The following MEP1B variants were observed in gnomAD, a reference collection of about 807,000 sequenced individuals.
MEP1B encodes N-benzoyl-L-tyrosyl-P-amino-benzoic acid hydrolase subunit beta.
MEP1B carries 80 observed loss-of-function variants against 84.6 expected under a neutral mutation model. The ratio of observed to expected loss-of-function variants is 0.95; its 90% confidence interval spans 0.79 to 1.14. The LOEUF (loss-of-function observed/expected upper bound fraction) is 1.14. Ranked by LOEUF, MEP1B falls within the 50% of genes most tolerant of loss-of-function variation. MEP1B has a pLI of 0.00. For synonymous variants in MEP1B, 273 were observed against 288.1 expected (o/e 0.95, Z 0.53); for missense variants, 766 against 855.1 (o/e 0.90, Z 1.30).
At chr18:32,208,363 A>G in intron 9 of MEP1B, 92 bp downstream of exon 9, 1 of 1,260,814 alleles carries the variant, frequency 7.9e-7, no homozygotes, top group Non-Finnish European at 1.1e-6. Flanking sequence ...TCTAATTTCT[A>G]TCAGAATTAT....
At chr18:32,194,446 C>T (rs1219610316) in intron 4 of MEP1B, among the ~76,000 whole-genome samples, 1 of 152,176 alleles carries the variant, frequency 6.6e-6, no homozygotes, top group African/African-American at 2.4e-5. Context: ...GATTTAGTCC[C>T]AGCTGTCTAA....
chr18:32,192,639 A>G lies in MEP1B; in HGVS notation c.83-7A>G. 1 of 1,612,628 alleles carries G rather than the reference A, an allele frequency of 6.2e-7. No individual in the cohort carries two copies. The highest frequency in any genetic ancestry group is 8.5e-7 in the Non-Finnish European group (1 of 1,178,936). ...TCAATTTTTTGTTGTTGTTGTTTTAATCAAAGATGTAGATGGCGGAATGGA... is the reference window on the plus strand; with the variant it reads ...TCAATTTTTTGTTGTTGTTGTTTTAGTCAAAGATGTAGATGGCGGAATGGA... On this transcript the variant is annotated splice_region_variant and splice_polypyrimidine_tract_variant and intron_variant, in intron 2 of 14. Coordinates refer to ENST00000269202, the MANE Select transcript of MEP1B (RefSeq NM_005925.3).
At chr18:32,207,713 A>C (rs1424345517) in intron 8 of MEP1B, among the ~76,000 whole-genome samples, 2 of 152,240 alleles carry the variant, frequency 1.3e-5, no homozygotes, top group Non-Finnish European at 2.9e-5. Flanking sequence ...TGCCTCAGGC[A>C]AGTTTTTAAA....
chr18:32,219,384 A>G (rs1422013796), intron 14 of MEP1B, among the ~76,000 whole-genome samples: 1 of 152,224 alleles, frequency 6.6e-6, no homozygotes, highest in Non-Finnish European at 1.5e-5. Context: ...TTAAAATATA[A>G]ACAGGTTGTT....
chr18:32,195,585 G>T lies in MEP1B; in HGVS notation c.250+100G>T, dbSNP rs1323775454. 6 of 731,858 alleles carry T rather than the reference G, an allele frequency of 8.2e-6. No homozygotes were observed. In the African/African-American group the frequency reaches 1.1e-4, roughly 13 times the overall value. 45.3% of individuals were successfully genotyped at this position (731,858 alleles called of 1,614,324 possible). On this transcript the variant is annotated intron_variant, in intron 5 of 14. Coordinates refer to ENST00000269202, the MANE Select transcript of MEP1B (RefSeq NM_005925.3). ...GGGCTTATATAGTCTTTAAGGTTTT[G>T]TTTGGTTTGCTCCTTTGTGTGGCTA...
In MEP1B at chr18:32,215,253, C is replaced by G. The variant is rs1240699865; in HGVS notation, c.1751C>G (p.Thr584Arg). 1 of 1,573,318 alleles carries G rather than the reference C, an allele frequency of 6.4e-7. No homozygotes were observed. Among genetic ancestry groups the G allele is most frequent in the East Asian group, 2.3e-5 (1 of 44,426 alleles). Reference protein sequence around the residue: ...IKGDDVYILLTVEDISHLNST... With the variant: ...IKGDDVYILLRVEDISHLNST... ...GGAGATGATGTTTATATCCTACTGA[C>G]AGTGGAAGGTATGTCAATAAAAATA... The change falls in exon 12 of 15, where the codon ACA becomes AGA. Residue 584 changes from threonine to arginine, a missense_variant. Physicochemically the swap from Thr to Arg is moderately conservative, Grantham distance 71. Coordinates refer to ENST00000269202, the MANE Select transcript of MEP1B (RefSeq NM_005925.3).
chr18:32,210,757 G>A, intron 10 of MEP1B, 41 bp downstream of exon 10: 12 of 1,539,398 alleles, frequency 7.8e-6, no homozygotes, highest in Non-Finnish European at 9.9e-6. Flanking sequence ...TTAAAATGAG[G>A]CAATCTTAGG....
chr18:32,199,668 G>GTTCCTTCCTTCC (rs201128780), intron 5 of MEP1B, among the ~76,000 whole-genome samples: 7,117 of 126,730 alleles, frequency 0.056, 265 homozygotes, highest in Middle Eastern at 0.065. Flanking sequence ...CCTTTCGTTC[G>GTTCCTTCCTTCC]TTCCTTCCTT....
rs746625792 is a variant in MEP1B at position 32,215,082 on chromosome 18, A to G, written c.1580A>G (p.Asp527Gly). 3.8e-6 allele frequency: 6 copies of G among 1,587,004 alleles called. No individual in the cohort carries two copies. In the East Asian group the frequency reaches 1.1e-4, roughly 30 times the overall value. ...CCATTAATATAAATTGCTTTTTCAG[A>G]TAATGGAAACTATTTCTGGGACAGG... ...SITTDPFMTTDNGNYFWDRPS... is the reference protein window; with the variant it reads ...SITTDPFMTTGNGNYFWDRPS... Residue 527 changes from aspartate to glycine, a missense_variant and splice_region_variant, in exon 12 of 15, where the codon GAT becomes GGT. Asp to Gly is a moderately conservative substitution (Grantham distance 94, BLOSUM62 -1). Transcript: ENST00000269202.
In MEP1B at chr18:32,195,472, A is replaced by G; in HGVS notation, c.237A>G (p.Leu79=). ...GGCCTCATACCATTCCATATGTTCT[A>G]GAAGATAGCTTGGGTTAGTATGCAC... ...YRWPHTIPYV[L]EDSLEMNAKG... The change falls in exon 5 of 15, where the codon CTA becomes CTG. Residue 79 remains leucine (L), a synonymous_variant. Coordinates refer to ENST00000269202, the MANE Select transcript of MEP1B (RefSeq NM_005925.3). 6.2e-7 allele frequency: 1 copy of G among 1,606,776 alleles called. No individual in the cohort carries two copies.
In MEP1B at chr18:32,208,253, A is replaced by C. The variant is rs1568269918; in HGVS notation, c.901A>C (p.Asn301His). 6.2e-7 allele frequency: 1 copy of C among 1,613,880 alleles called. No homozygotes were observed. The highest frequency in any genetic ancestry group is 1.7e-4 in the Middle Eastern group (1 of 6,060). Residue 301 changes from asparagine to histidine, a missense_variant, in exon 9 of 15, where the codon AAC (asparagine) becomes CAC (histidine). By Grantham distance (68) the Asn-to-His change is moderately conservative. Transcript: ENST00000269202. ...CAGGGGGCCAGAGAGTGATCACTCC[A>C]ACATGGGCCAGTGCCAAGGTAACAG... Reference protein sequence around the residue: ...VPRGPESDHSNMGQCQGSGFF... With the variant: ...VPRGPESDHSHMGQCQGSGFF...
chr18:32,218,611 G>A (rs773399247), intron 14 of MEP1B, among the ~76,000 whole-genome samples: 4 of 152,166 alleles, frequency 2.6e-5, no homozygotes, highest in Non-Finnish European at 4.4e-5. Flanking sequence ...CCTGGAACAC[G>A]TATAATAGGC....
chr18:32,217,112 G>T lies in MEP1B; in HGVS notation c.1881G>T (p.Glu627Asp). 2 of 1,613,500 alleles carry T rather than the reference G, an allele frequency of 1.2e-6. No homozygotes were observed. The highest frequency in any genetic ancestry group is 1.7e-6 in the Non-Finnish European group (2 of 1,179,708). The part of the protein sequence containing the change: ...GVCTVRDGKA[E>D]CRCQSGEDWW... ...GCACTGTTCGAGATGGCAAAGCTGA[G>T]TGCAGGTAAGGATGATTTGAAAGAG... The change falls in exon 13 of 15, where the codon GAG becomes GAT. Residue 627 changes from glutamate to aspartate, a missense_variant. Physicochemically the swap from Glu to Asp is conservative, Grantham distance 45. Transcript: ENST00000269202.
At chr18:32,195,307 TG>T in intron 4 of MEP1B, 99 bp from the exon 5 acceptor site, 1 of 716,998 alleles carries the variant, frequency 1.4e-6, no homozygotes. Flanking sequence ...TTGTGCGAAC[TG>T]GGAGAGCTTT....
Position 32,217,891 on chromosome 18 carries a change from G to T in MEP1B, c.2017G>T (p.Val673Phe). 3 of 1,613,910 alleles carry T rather than the reference G, an allele frequency of 1.9e-6. No individual in the cohort carries two copies. Among genetic ancestry groups the T allele is most frequent in the Middle Eastern group, 1.6e-4 (1 of 6,062 alleles). The change falls in exon 14 of 15, where the codon GTC becomes TTC. Residue 673 changes from valine to phenylalanine, a missense_variant. Transcript: ENST00000269202. Reference protein sequence around the residue: ...VFALMLIITLVSVYCTRKKYR... With the variant: ...VFALMLIITLFSVYCTRKKYR... The stretch of plus-strand genomic sequence containing the variant: ...TGCCTTGATGCTGATCATCACCCTT[G>T]TCAGTGTCTATTGCACCAGGAAGAA...
chr18:32,204,459 C>T (rs149539402), intron 7 of MEP1B, 99 bp downstream of exon 7: 17,194 of 1,090,626 alleles, frequency 0.016, 243 homozygotes, highest in Non-Finnish European at 0.016. Context: ...AATTTTAAAA[C>T]TTTGATGTTT....
chr18:32,212,339 G>T (rs141044812), intron 10 of MEP1B, among the ~76,000 whole-genome samples: 1 of 151,954 alleles, frequency 6.6e-6, no homozygotes, highest in Non-Finnish European at 1.5e-5. Context: ...ACATATTTTT[G>T]TTTTAAGACT....
In MEP1B at chr18:32,203,145, A is replaced by C. The variant is rs2040929838; in HGVS notation, c.368+135A>C. 5 of 529,212 alleles carry C rather than the reference A, an allele frequency of 9.4e-6. No homozygotes were observed. The East Asian group carries it at 1.5e-4, about 16-fold the overall frequency. The allele number at this position is 529,212 out of a possible 1,614,324, so 32.8% of individuals were successfully genotyped here. ...TTCTTGCTAGTTGCTGGAGAGTAAA[A>C]AACAACTGGATCTAGTTTTTGTAGA... On this transcript the variant is annotated intron_variant, in intron 6 of 14. Transcript: ENST00000269202.
chr18:32,209,836 G>C (rs1479333627), intron 9 of MEP1B, among the ~76,000 whole-genome samples: 7 of 151,410 alleles, frequency 4.6e-5, no homozygotes, highest in African/African-American at 1.7e-4. Context: ...GGGCAGGTCA[G>C]CCAAGGCCCT....
Sources: gnomAD v4.1 joint callset for allele counts (sites outside exome capture counted in the v4.1 genomes callset) on GRCh38, gnomAD v4.1.1 for gene constraint, MANE v1.5 for transcripts, NCBI Gene and HGNC (gene_info 2026-07-23, HGNC 2026-07-21) for gene names.